The following IDUA variants were observed in gnomAD, a reference collection of about 807,000 sequenced individuals.
IDUA encodes the protein iduronidase alpha-L-.
In IDUA, 65 loss-of-function variants were observed where a neutral mutation model predicts 68.9. That is an observed-to-expected ratio of 0.94 (90% CI 0.77 to 1.16). The LOEUF is 1.16. Among genes scored for constraint, IDUA ranks in the 50% most tolerant of loss-of-function variants. The pLI is 0.00. For synonymous variants in IDUA, 529 were observed against 433.6 expected (o/e 1.22, Z -2.73); for missense variants, 1,046 against 938.0 (o/e 1.12, Z -1.50).
intron 10 of IDUA, 39 bp downstream of exon 10, chr4:1,003,196 C>T (rs1185043582): frequency 1.1e-5 from 4 of 370,474 alleles, no homozygotes; most frequent in Non-Finnish European, 1.1e-5. Context: ...CGGGCCGGGC[C>T]GGGGTCCCGG....
At position 1,002,715 on chromosome 4, in the gene IDUA, C is replaced by A; in HGVS notation, c.1190-17C>A. 11 of 1,387,576 alleles carry A rather than the reference C, an allele frequency of 7.9e-6. No homozygotes were observed. Among genetic ancestry groups the A allele is most frequent in the African/African-American group, 1.6e-5 (1 of 62,192 alleles). The allele number at this position is 1,387,576 out of a possible 1,614,324, so 86.0% of individuals were successfully genotyped here. A position where few individuals can be genotyped will look rare whatever the true frequency, so the allele number is the denominator to read the frequency against. On this transcript the variant is annotated splice_polypyrimidine_tract_variant and intron_variant, in intron 8 of 13. Transcript: ENST00000514224. ...GGCAACGACCCCACGCGGCGACGGC[C>A]CCCCCCCGCCCCGCAGATGAGGAGC...
chr4:987,245 G>T lies in IDUA; in HGVS notation c.158+3G>T. 6.6e-7 allele frequency: 1 copy of T among 1,514,092 alleles called. No homozygotes were observed. The highest frequency in any genetic ancestry group is 8.8e-7 in the Non-Finnish European group (1 of 1,138,402). 93.8% of individuals were successfully genotyped at this position (1,514,092 alleles called of 1,614,324 possible). On this transcript the variant is annotated splice_donor_region_variant and intron_variant, in intron 1 of 13. Transcript: ENST00000514224. The stretch of plus-strand genomic sequence containing the variant: ...TTCTGGAGGAGCACAGGCTTCTGGT[G>T]AGCGCTCCGCGGCCTCCGGGACCCC...
Position 1,002,770 on chromosome 4 carries a change from A to C in IDUA, c.1228A>C (p.Thr410Pro), listed in dbSNP as rs978350437. The change falls in exon 9 of 14, where the codon ACC (threonine) becomes CCC (proline). Residue 410 changes from threonine (T) to proline (P), a missense_variant. Thr to Pro is a conservative substitution (Grantham distance 38). Transcript: ENST00000514224. ...CTGGGCCGAAGTGTCGCAGGCCGGG[A>C]CCGTCCTGGACAGCAACCACACGGT... ...QLWAEVSQAG[T>P]VLDSNHTVGV... 8 of 1,467,334 alleles carry C rather than the reference A, an allele frequency of 5.5e-6. No individual in the cohort carries two copies. In the African/African-American group the frequency reaches 9.0e-5, roughly 16 times the overall value. 90.9% of individuals were successfully genotyped at this position (1,467,334 alleles called of 1,614,324 possible). A position where few individuals can be genotyped will look rare whatever the true frequency, so the allele number is the denominator to read the frequency against.
At position 1,002,093 on chromosome 4, in the gene IDUA, C is replaced by A. The variant is rs1715120993; in HGVS notation, c.904C>A (p.Pro302Thr). Reference protein sequence around the residue: ...DTPIYNDEADPLVGWSLPQPW... With the variant: ...DTPIYNDEADTLVGWSLPQPW... ...CCCCATTTACAACGACGAGGCGGAC[C>A]CGCTGGTGGGCTGGTCCCTGCCACA... Residue 302 changes from proline (P) to threonine (T), a missense_variant, in exon 7 of 14, where the codon CCG (proline) becomes ACG (threonine). Physicochemically the swap from Pro to Thr is conservative, Grantham distance 38. Transcript: ENST00000514224. 6.3e-7 allele frequency: 1 copy of A among 1,577,548 alleles called. No individual in the cohort carries two copies. Among genetic ancestry groups the A allele is most frequent in the East Asian group, 2.3e-5 (1 of 43,302 alleles).
Position 990,377 on chromosome 4 carries a change from C to G in IDUA, c.299+2428C>G, listed in dbSNP as rs192314032. Reference sequence around the variant, plus strand: ...CCCATGAGGACCTGTGGACGGAGTGCGGTCAGGCCAGCAGGCGCCTGGCGG... The same window carrying G: ...CCCATGAGGACCTGTGGACGGAGTGGGGTCAGGCCAGCAGGCGCCTGGCGG... On this transcript the variant is annotated intron_variant, in intron 2 of 13. Coordinates refer to ENST00000514224, the MANE Select transcript of IDUA (RefSeq NM_000203.5). The G allele has an allele frequency of 2.3e-5, 36 of 1,576,424 alleles. No homozygotes were observed. In the African/African-American group the frequency reaches 3.1e-4, roughly 14 times the overall value.
chr4:990,378 G>A lies in IDUA; in HGVS notation c.299+2429G>A, dbSNP rs532650407. On this transcript the variant is annotated intron_variant, in intron 2 of 13. Coordinates refer to ENST00000514224, the MANE Select transcript of IDUA (RefSeq NM_000203.5). ...CCATGAGGACCTGTGGACGGAGTGC[G>A]GTCAGGCCAGCAGGCGCCTGGCGGG... 8.9e-5 allele frequency: 140 copies of A among 1,575,062 alleles called. 1 individual carries two copies. The highest frequency in any genetic ancestry group is 8.7e-4 in the East Asian group (38 of 43,728).
At position 989,823 on chromosome 4, in the gene IDUA, A is replaced by G. The variant is rs559991759; in HGVS notation, c.299+1874A>G. 84 of 1,580,556 alleles carry G rather than the reference A, an allele frequency of 5.3e-5. No individual in the cohort carries two copies. The highest frequency in any genetic ancestry group is 4.2e-4 in the Admixed American group (23 of 55,032). ...CCACAGCCAGCAGCTCCTGGTTGGC[A>G]CGCACAGAGTAGCCGTGACTGCGGG... On this transcript the variant is annotated intron_variant, in intron 2 of 13. Transcript: ENST00000514224.
Position 1,002,179 on chromosome 4 carries a change from C to T in IDUA, c.972+18C>T. On this transcript the variant is annotated intron_variant, in intron 7 of 13. Transcript: ENST00000514224. Reference sequence around the variant, plus strand: ...TGGTGAAGGTGGGCCGGCCCAACGCCCTGCGCGCCCCCCGGCCACCTTCCT... The same window carrying T: ...TGGTGAAGGTGGGCCGGCCCAACGCTCTGCGCGCCCCCCGGCCACCTTCCT... 2 of 1,558,526 alleles carry T rather than the reference C, an allele frequency of 1.3e-6. No homozygotes were observed. The highest frequency in any genetic ancestry group is 1.7e-6 in the Non-Finnish European group (2 of 1,151,788).
At chr4:992,190 C>G in intron 2 of IDUA, 1 of 460,600 alleles carries the variant, frequency 2.2e-6, no homozygotes, top group Non-Finnish European at 4.3e-6. Flanking sequence ...GCAGGCAAGC[C>G]TGAGTCCAGC....
chr4:999,204 CA>C (rs56098003), intron 2 of IDUA, among the ~76,000 whole-genome samples: 44,282 of 128,380 alleles, frequency 0.34, 8,186 homozygotes, highest in African/African-American at 0.57. Context: ...GACTCTGTCT[CA>C]AAAAAAAAAA....
chr4:992,188 G>A (rs776109506), intron 2 of IDUA: 20 of 460,996 alleles, frequency 4.3e-5, no homozygotes, highest in African/African-American at 2.2e-4. Flanking sequence ...GTGCAGGCAA[G>A]CCTGAGTCCA....
Position 1,004,014 on chromosome 4 carries a change from G to A in IDUA, c.1730G>A (p.Cys577Tyr). The A allele has an allele frequency of 1.2e-6, 2 of 1,609,214 alleles. No homozygotes were observed. Among genetic ancestry groups the A allele is most frequent in the South Asian group, 2.2e-5 (2 of 90,866 alleles). The change falls in exon 13 of 14, where the codon TGC becomes TAC. Residue 577 changes from cysteine (C) to tyrosine (Y), a missense_variant and splice_region_variant. Cys to Tyr is a radical substitution (Grantham distance 194). Coordinates refer to ENST00000514224, the MANE Select transcript of IDUA (RefSeq NM_000203.5). The surrounding 1 kb of genome is among the most constrained non-coding windows in gnomAD (Gnocchi z 5.0). ...TGTTCTTGGCCTGACCTCCCCAGGT[G>A]CCTGTGGACATACGAGATCCAGTTC... is the stretch of plus-strand genomic sequence containing the variant. ...VWSDEHVGSK[C>Y]LWTYEIQFSQ...
rs774854847 is a variant in IDUA, at chr4:1,003,437, C to T, written c.1617C>T (p.His539=). ...GGCTGCCGTCGCTTTTGCTGGTGCA[C>T]GTGTGTGCGCGCCCCGAGAAGCCGC... ...ALRLPSLLLV[H]VCARPEKPPG... The change falls in exon 11 of 14, where the codon CAC becomes CAT. Residue 539 remains histidine (H), a synonymous_variant. Coordinates refer to ENST00000514224, the MANE Select transcript of IDUA (RefSeq NM_000203.5). The T allele has an allele frequency of 7.8e-6, 12 of 1,540,534 alleles. No homozygotes were observed. The highest frequency in any genetic ancestry group is 1.4e-5 in the African/African-American group (1 of 73,284).
chr4:990,728 T>G, intron 2 of IDUA: 1 of 394,380 alleles, frequency 2.5e-6, no homozygotes, highest in South Asian at 3.8e-5. Flanking sequence ...CATGCAGATG[T>G]GGAGCCAACG....
Position 1,003,542 on chromosome 4 carries a change from C to T in IDUA, c.1651-7C>T, listed in dbSNP as rs934115207. 4 of 1,611,144 alleles carry T rather than the reference C, an allele frequency of 2.5e-6. No individual in the cohort carries two copies. The highest frequency in any genetic ancestry group is 3.4e-6 in the Non-Finnish European group (4 of 1,179,732). On this transcript the variant is annotated splice_polypyrimidine_tract_variant and splice_region_variant and intron_variant, in intron 11 of 13. Transcript: ENST00000514224. ...CCCGACGCCATCACAGCCCTTCCCT[C>T]CCCCAGGTCACGCGGCTCCGCGCCC...
chr4:989,619 G>A lies in IDUA; in HGVS notation c.299+1670G>A, dbSNP rs754470755. 5.2e-5 allele frequency: 83 copies of A among 1,601,414 alleles called. No homozygotes were observed. The Admixed American group carries it at 1.1e-3, about 22-fold the overall frequency. On this transcript the variant is annotated intron_variant, in intron 2 of 13. Transcript: ENST00000514224. ...TGACCACGATGACGCAGGCCAGCACGCTTCGCTGTAGGTCGTGGAACAGCG... is the reference window on the plus strand; with the variant it reads ...TGACCACGATGACGCAGGCCAGCACACTTCGCTGTAGGTCGTGGAACAGCG...
rs1560535758 is a variant in IDUA at position 989,865 on chromosome 4, CGAGATG to C, written c.299+1921_299+1926del. The stretch of plus-strand genomic sequence containing the variant: ...GACTGCGGGCGAACATCTCCGCCAG[CGAGATG>C]GAGAAGGCGGCAGCCACGAGGGCCA... On this transcript the variant is annotated intron_variant, in intron 2 of 13. Transcript: ENST00000514224. 4.4e-6 allele frequency: 7 copies of C among 1,575,830 alleles called. No homozygotes were observed. The Admixed American group carries it at 7.4e-5, about 17-fold the overall frequency.
intron 2 of IDUA, chr4:991,635 T>C (rs1387647737): frequency 6.4e-7 from 1 of 1,562,800 alleles, no homozygotes; most frequent in South Asian, 1.2e-5. Flanking sequence ...GACCCCGGGG[T>C]GCTGGGCGCT....
intron 2 of IDUA, among the ~76,000 whole-genome samples, chr4:998,083 G>T (rs1714851622): frequency 6.6e-6 from 1 of 151,770 alleles, no homozygotes; most frequent in Admixed American, 6.6e-5. Flanking sequence ...TGCCTCTTAA[G>T]TTATACTTCT....
Sources: allele counts gnomAD v4.1 joint callset (sites outside exome capture counted in the v4.1 genomes callset), GRCh38; gene constraint gnomAD v4.1.1; non-coding constraint Gnocchi (gnomAD v3.1); transcripts MANE v1.5; gene names NCBI Gene and HGNC (gene_info 2026-07-23, HGNC 2026-07-21).